The following LINGO1 variants were observed in gnomAD, a reference collection of about 807,000 sequenced individuals.
The protein encoded by LINGO1 is leucine-rich repeat and immunoglobulin-like domain-containing nogo receptor-interacting protein 1.
LINGO1 carries 11 observed loss-of-function variants against 37.3 expected under a neutral mutation model. The ratio of observed to expected loss-of-function variants is 0.29; its 90% confidence interval spans 0.19 to 0.49. The LOEUF is 0.49. LINGO1 is among the 20% of genes least tolerant of loss of function. The pLI, the probability that LINGO1 is intolerant of heterozygous loss-of-function variation, is 0.99. For synonymous variants in LINGO1, 387 were observed against 403.0 expected (o/e 0.96, Z 0.48); for missense variants, 585 against 878.2 (o/e 0.67, Z 4.22).
chr15:77,767,372 G>C (rs1385349138), intron 1 of LINGO1, among the ~76,000 whole-genome samples: 3 of 152,186 alleles, frequency 2.0e-5, no homozygotes, highest in African/African-American at 7.2e-5. Flanking sequence ...CAGGATTCAG[G>C]AAAGAATGAA....
In LINGO1 at chr15:77,613,429, C is replaced by T. The variant is rs535572810; in HGVS notation, c.*615G>A. On this transcript the variant is annotated 3_prime_UTR_variant, in exon 2 of 2. Coordinates refer to ENST00000355300, the MANE Select transcript of LINGO1 (RefSeq NM_032808.7). Reference sequence around the variant, plus strand: ...ACCTGCGCCCTGCAAAAAGCCAGCCCGGAGCTGGGCCCAGGCCTGCCCCCT... The same window carrying T: ...ACCTGCGCCCTGCAAAAAGCCAGCCTGGAGCTGGGCCCAGGCCTGCCCCCT... 7.1e-5 allele frequency: 11 copies of T among 154,402 alleles called. No individual in the cohort carries two copies. Among genetic ancestry groups the T allele is most frequent in the Non-Finnish European group, 1.0e-4 (7 of 69,468 alleles). 9.6% of individuals were successfully genotyped at this position (154,402 alleles called of 1,614,324 possible). A position where few individuals can be genotyped will look rare whatever the true frequency, so the allele number is the denominator to read the frequency against.
intron 3 of LINGO1, among the ~76,000 whole-genome samples, chr15:77,675,557 A>G (rs1027116364): frequency 2.6e-5 from 4 of 152,208 alleles, no homozygotes; most frequent in African/African-American, 4.8e-5. Flanking sequence ...TTTCCTTTTA[A>G]AATACGTTGA....
chr15:77,715,927 G>A (rs531924657), intron 2 of LINGO1, among the ~76,000 whole-genome samples: 3 of 152,204 alleles, frequency 2.0e-5, no homozygotes, highest in Non-Finnish European at 4.4e-5. Flanking sequence ...AGGCTGGTAC[G>A]GCTCTGGTGT....
At chr15:77,635,726 C>A (rs541516036), upstream of LINGO1, among the ~76,000 whole-genome samples, 1 of 152,376 alleles carries the variant, frequency 6.6e-6, no homozygotes, top group Admixed American at 6.5e-5. Flanking sequence ...TGTCTCCTCT[C>A]CCCAGACTGA....
chr15:77,709,070 T>A (rs1290664462), intron 2 of LINGO1, among the ~76,000 whole-genome samples: 2 of 152,172 alleles, frequency 1.3e-5, no homozygotes, highest in East Asian at 3.8e-4. Context: ...CCTAGAGCCC[T>A]GAGAGAGAGC....
upstream of LINGO1, among the ~76,000 whole-genome samples, chr15:77,637,793 T>G (rs1254283927): frequency 1.3e-5 from 2 of 152,204 alleles, no homozygotes; most frequent in African/African-American, 4.8e-5. The surrounding 1 kb of genome is among the most constrained non-coding windows in gnomAD (Gnocchi z 4.6). Flanking sequence ...CCTGAGGGCT[T>G]GGATTCATCT....
At chr15:77,746,877 A>AC (rs2076319539) in intron 1 of LINGO1, among the ~76,000 whole-genome samples, 1 of 151,598 alleles carries the variant, frequency 6.6e-6, no homozygotes, top group Admixed American at 6.6e-5. Flanking sequence ...TCCAGAGACC[A>AC]CCCCCCACTC....
chr15:77,633,062 C>T (rs1596019618), upstream of LINGO1, among the ~76,000 whole-genome samples: 2 of 150,856 alleles, frequency 1.3e-5, no homozygotes, highest in Middle Eastern at 6.9e-3. Context: ...GCGGAGGGGG[C>T]GGAGAGCGAG....
At chr15:77,803,387 G>GCT (rs1169215608) in intron 1 of LINGO1, among the ~76,000 whole-genome samples, 1 of 151,976 alleles carries the variant, frequency 6.6e-6, no homozygotes, top group Admixed American at 6.6e-5. Flanking sequence ...GTCTGAAGCT[G>GCT]CAGTGAGCTA....
At chr15:77,623,000 T>C (rs1225946824) in intron 1 of LINGO1, among the ~76,000 whole-genome samples, 1 of 152,120 alleles carries the variant, frequency 6.6e-6, no homozygotes, top group Non-Finnish European at 1.5e-5. Context: ...GCCCCCAGAC[T>C]GACAGCCTCC....
chr15:77,634,833 G>A (rs1448967638), upstream of LINGO1, among the ~76,000 whole-genome samples: 3 of 141,462 alleles, frequency 2.1e-5, no homozygotes, highest in African/African-American at 7.7e-5. Context: ...CCACCAGCCC[G>A]ACAGGAATAG....
chr15:77,658,698 C>G (rs1459571669), intron 3 of LINGO1, among the ~76,000 whole-genome samples: 3 of 152,202 alleles, frequency 2.0e-5, no homozygotes, highest in Non-Finnish European at 4.4e-5. Context: ...AGTTTTGCAT[C>G]CTAGGAGACA....
intron 2 of LINGO1, among the ~76,000 whole-genome samples, chr15:77,686,039 T>C (rs2075504250): frequency 2.0e-5 from 3 of 152,084 alleles, no homozygotes; most frequent in Admixed American, 2.0e-4. Context: ...TGGAAGCAGC[T>C]GGAGCATGGC....
intron 1 of LINGO1, among the ~76,000 whole-genome samples, chr15:77,777,632 G>T (rs2141418679): frequency 6.6e-6 from 1 of 152,232 alleles, no homozygotes; most frequent in Non-Finnish European, 1.5e-5. Flanking sequence ...TTTATAAACA[G>T]AAATTTATTC....
chr15:77,712,530 C>T (rs1197323996), intron 2 of LINGO1, among the ~76,000 whole-genome samples: 1 of 152,156 alleles, frequency 6.6e-6, no homozygotes, highest in African/African-American at 2.4e-5. Flanking sequence ...GAGGCTGTGC[C>T]CTCTGTGAGC....
At chr15:77,649,777 C>T (rs1056605196) in intron 3 of LINGO1, among the ~76,000 whole-genome samples, 1 of 152,144 alleles carries the variant, frequency 6.6e-6, no homozygotes, top group Admixed American at 6.5e-5. Context: ...GCCTGCCCCC[C>T]CGAGTGCAGC....
At chr15:77,777,221 T>C (rs1457266252) in intron 1 of LINGO1, among the ~76,000 whole-genome samples, 2 of 151,776 alleles carry the variant, frequency 1.3e-5, no homozygotes, top group Non-Finnish European at 2.9e-5. Flanking sequence ...AACCAGCCAG[T>C]GGTGTGTGGT....
At chr15:77,653,647 T>G (rs969842933) in intron 3 of LINGO1, among the ~76,000 whole-genome samples, 1 of 152,198 alleles carries the variant, frequency 6.6e-6, no homozygotes, top group South Asian at 2.1e-4. Context: ...CCGTCCGCTC[T>G]TCCTGCCTTA....
At chr15:77,651,592 G>A (rs948561973) in intron 3 of LINGO1, 1 of 152,114 alleles carries the variant, frequency 6.6e-6, no homozygotes, top group African/African-American at 2.4e-5. Context: ...AGGTGTTCAG[G>A]GTTCTTTAAG....
Sources: gnomAD v4.1 joint callset for allele counts (sites outside exome capture counted in the v4.1 genomes callset) on GRCh38, gnomAD v4.1.1 for gene constraint, Gnocchi (gnomAD v3.1) non-coding constraint, MANE v1.5 for transcripts, NCBI Gene and HGNC (gene_info 2026-07-23, HGNC 2026-07-21) for gene names.